MAML2: variants seen among roughly 807,000 people sequenced by gnomAD.
MAML2 encodes the protein mastermind-like protein 2.
In MAML2, 22 loss-of-function variants were observed where a neutral mutation model predicts 96.1. The ratio of observed to expected loss-of-function variants is 0.23; its 90% CI spans 0.16 to 0.33. The LOEUF is 0.33. Ranked by LOEUF, MAML2 falls within the 10% of genes least tolerant of loss-of-function variation. The pLI is 1.00. For synonymous variants in MAML2, 561 were observed against 521.3 expected (o/e 1.08, Z -1.04); for missense variants, 1,367 against 1,392.4 (o/e 0.98, Z 0.29).
chr11:96,321,314 CGAGA>C (rs1352981965), intron 1 of MAML2, among the ~76,000 whole-genome samples: 1 of 152,194 alleles, frequency 6.6e-6, no homozygotes, highest in African/African-American at 2.4e-5. Flanking sequence ...TCTTAAATCA[CGAGA>C]GAAAGATGTC....
chr11:96,341,635 C>T lies in MAML2; in HGVS notation c.261G>A (p.Arg87=). Residue 87 remains arginine, a synonymous_variant, in exon 1 of 5, where the codon AGG becomes AGA. Coordinates refer to ENST00000524717, the MANE Select transcript of MAML2 (RefSeq NM_032427.4). The part of the protein sequence containing the change: ...LSLVQHGQGA[R]KAGKHTKATA... Reference sequence around the variant, plus strand: ...TGGCCTTGGTGTGTTTGCCAGCTTTCCTTGCCCCCTGGCCATGCTGTACAA... The same window carrying T: ...TGGCCTTGGTGTGTTTGCCAGCTTTTCTTGCCCCCTGGCCATGCTGTACAA... The T allele has an allele frequency of 6.4e-7, 1 of 1,555,684 alleles. No individual in the cohort carries two copies. The highest frequency in any genetic ancestry group is 8.7e-7 in the Non-Finnish European group (1 of 1,148,958).
At chr11:96,264,173 C>G (rs971167604) in intron 1 of MAML2, among the ~76,000 whole-genome samples, 1 of 152,146 alleles carries the variant, frequency 6.6e-6, no homozygotes, top group Non-Finnish European at 1.5e-5. Flanking sequence ...GGGAGCCTAG[C>G]CCAATGCAGA....
At chr11:96,331,834 A>AG (rs1863858509) in intron 1 of MAML2, among the ~76,000 whole-genome samples, 1 of 151,102 alleles carries the variant, frequency 6.6e-6, no homozygotes, top group Non-Finnish European at 1.5e-5. Context: ...AAAAAAAAAA[A>AG]GCTTTAATTT....
rs78614102 is a variant in MAML2, at chr11:96,278,282, G to A, written c.513+63101C>T. 1.3e-3 allele frequency among the ~76,000 whole-genome samples: 193 copies of A among 152,292 alleles called. 3 individuals are homozygous for A. The East Asian group carries it at 0.029, about 23-fold the overall frequency. Reference sequence around the variant, plus strand: ...AAACCTGACCTTTTGGTAAGCCTGGGTAGTAACTTCCCATGTGGAGTAAAT... The same window carrying A: ...AAACCTGACCTTTTGGTAAGCCTGGATAGTAACTTCCCATGTGGAGTAAAT... On this transcript the variant is annotated intron_variant, in intron 1 of 4. Transcript: ENST00000524717.
At chr11:96,174,449 T>A (rs972575119) in intron 1 of MAML2, among the ~76,000 whole-genome samples, 2 of 152,222 alleles carry the variant, frequency 1.3e-5, no homozygotes, top group East Asian at 3.8e-4. Flanking sequence ...AATGGCACAG[T>A]CTCGGGTCAC....
At chr11:96,170,237 A>G (rs772663206) in intron 1 of MAML2, among the ~76,000 whole-genome samples, 11 of 152,234 alleles carry the variant, frequency 7.2e-5, no homozygotes, top group Non-Finnish European at 1.3e-4. Context: ...AGGGAATCCC[A>G]GCCTTTTATT....
rs146063775 is a variant in MAML2, at chr11:95,999,694, A to G, written c.2140-7971T>C. Among the ~76,000 whole-genome samples, 706 of 152,252 alleles carry G rather than the reference A, an allele frequency of 4.6e-3. 5 individuals are homozygous for G. The highest frequency in any genetic ancestry group is 0.016 in the African/African-American group (654 of 41,554). ...ACTGTATAATGATTTTCCCCCCACA[A>G]AAATGAAGTAATGTAAATTACTTGA... On this transcript the variant is annotated intron_variant, in intron 2 of 4. Transcript: ENST00000524717.
chr11:96,033,548 C>T (rs191043423), intron 2 of MAML2, among the ~76,000 whole-genome samples: 246 of 152,308 alleles, frequency 1.6e-3, no homozygotes, highest in Middle Eastern at 3.4e-3. Flanking sequence ...TAATCTTGTA[C>T]TAGACTTGAC....
intron 2 of MAML2, among the ~76,000 whole-genome samples, chr11:96,030,712 A>C (rs188593759): frequency 5.3e-5 from 8 of 152,354 alleles, no homozygotes; most frequent in Admixed American, 2.6e-4. Flanking sequence ...AGAGGAAGGC[A>C]GTGACCATTG....
chr11:95,994,928 G>A (rs1024488013), intron 2 of MAML2, among the ~76,000 whole-genome samples: 1 of 152,198 alleles, frequency 6.6e-6, no homozygotes, highest in African/African-American at 2.4e-5. Flanking sequence ...ACTTAGTTGT[G>A]TGATGTGGCA....
At chr11:96,065,621 T>C (rs1324698956) in intron 2 of MAML2, among the ~76,000 whole-genome samples, 1 of 152,226 alleles carries the variant, frequency 6.6e-6, no homozygotes, top group African/African-American at 2.4e-5. Flanking sequence ...TTGTGACCTT[T>C]TTATATGCCA....
intron 1 of MAML2, among the ~76,000 whole-genome samples, chr11:96,130,200 G>C (rs550320823): frequency 2.3e-4 from 35 of 152,348 alleles, no homozygotes; most frequent in Non-Finnish European, 4.9e-4. Context: ...CAAAAAGGCT[G>C]TCAGTTCTCC....
At chr11:96,123,449 G>A (rs1453997402) in intron 1 of MAML2, among the ~76,000 whole-genome samples, 2 of 152,162 alleles carry the variant, frequency 1.3e-5, no homozygotes, top group African/African-American at 4.8e-5. Flanking sequence ...TGAATAAAGG[G>A]GCTGGCAATT....
intron 1 of MAML2, among the ~76,000 whole-genome samples, chr11:96,294,839 C>T (rs1443692537): frequency 6.6e-6 from 1 of 152,026 alleles, no homozygotes; most frequent in Non-Finnish European, 1.5e-5. Context: ...AGAAAATTGC[C>T]CTCTGTCACC....
chr11:96,191,738 C>A (rs1436481052), intron 1 of MAML2, among the ~76,000 whole-genome samples: 2 of 149,908 alleles, frequency 1.3e-5, no homozygotes, highest in East Asian at 3.9e-4. Flanking sequence ...CACCACTACA[C>A]TCCAGCCTGG....
intron 4 of MAML2, among the ~76,000 whole-genome samples, chr11:95,984,889 G>A (rs753208726): frequency 7.9e-5 from 12 of 152,144 alleles, no homozygotes; most frequent in Non-Finnish European, 1.3e-4. Flanking sequence ...ATAGGAGAAG[G>A]CAGAGCAATA....
At chr11:95,980,984 C>A (rs962569740) in intron 4 of MAML2, among the ~76,000 whole-genome samples, 5 of 152,192 alleles carry the variant, frequency 3.3e-5, no homozygotes, top group East Asian at 1.9e-4. Context: ...CACCTGTGCA[C>A]TGGGAAGACA....
At chr11:96,015,594 G>A (rs1475896123) in intron 2 of MAML2, among the ~76,000 whole-genome samples, 2 of 119,658 alleles carry the variant, frequency 1.7e-5, no homozygotes, top group Admixed American at 8.5e-5. Context: ...AGGGGGGGGG[G>A]GCAATTCATG....
At chr11:96,153,911 CAATAAATAAATA>C (rs59318960) in intron 1 of MAML2, among the ~76,000 whole-genome samples, 14 of 138,038 alleles carry the variant, frequency 1.0e-4, no homozygotes, top group African/African-American at 2.4e-4. Flanking sequence ...GACTCCGTCT[CAATAAATAAATA>C]AATAAATAAA....
Sources: gnomAD v4.1 joint callset for allele counts (sites outside exome capture counted in the v4.1 genomes callset) on GRCh38, gnomAD v4.1.1 for gene constraint, MANE v1.5 for transcripts, NCBI Gene and HGNC (gene_info 2026-07-23, HGNC 2026-07-21) for gene names.